The following RYR3 variants were observed in gnomAD, a reference collection of about 807,000 sequenced individuals.
RYR3 encodes the protein brain ryanodine receptor-calcium release channel.
RYR3 carries 207 observed loss-of-function variants against 584.3 expected under a neutral mutation model. That is an observed-to-expected ratio of 0.35 (90% CI 0.32 to 0.40). The LOEUF (loss-of-function observed/expected upper bound fraction) is 0.40, where lower values mean the gene tolerates loss of function less well. Among genes scored for constraint, RYR3 ranks in the 10% least tolerant of loss-of-function variants. RYR3 has a pLI of 1.00. For missense variants in RYR3, 5,616 were observed against 6,089.2 expected (o/e 0.92, Z 2.59); for synonymous variants, 2,416 against 2,248.5 (o/e 1.07, Z -2.11).
rs770851129 is a variant in RYR3 at position 33,530,640 on chromosome 15, C to G, written c.328C>G (p.Leu110Val). ...HRTLLYGHAV[L>V]LRHSFSGMYL... ...GACCCTGTTATACGGCCATGCAGTT[C>G]TCCTGAGGCACTCTTTCAGCGGAAT... is the stretch of plus-strand genomic sequence containing the variant. Residue 110 changes from leucine (L) to valine (V), a missense_variant, in exon 4 of 104, where the codon CTC (leucine) becomes GTC (valine). By Grantham distance (32) the Leu-to-Val change is conservative. This residue lies in a region of RYR3 where 1,284 missense variants were observed against 1,344.6 expected (regional missense o/e 0.95). Transcript: ENST00000634891. 1.9e-6 allele frequency: 3 copies of G among 1,613,608 alleles called. No individual in the cohort carries two copies. The highest frequency in any genetic ancestry group is 1.7e-6 in the Non-Finnish European group (2 of 1,179,654).
In RYR3 at chr15:33,853,650, G is replaced by C; in HGVS notation, c.13767G>C (p.Glu4589Asp). Reference protein sequence around the residue: ...KNALDFSPVEETKAEAASLVS... With the variant: ...KNALDFSPVEDTKAEAASLVS... Reference sequence around the variant, plus strand: ...CTCTTGACTTTAGCCCAGTAGAAGAGACCAAAGCAGAAGCGGCTTCTCTGG... The same window carrying C: ...CTCTTGACTTTAGCCCAGTAGAAGACACCAAAGCAGAAGCGGCTTCTCTGG... Residue 4589 changes from glutamate to aspartate, a missense_variant, in exon 96 of 104, where the codon GAG becomes GAC. By Grantham distance (45) the Glu-to-Asp change is conservative. This residue lies in a region of RYR3 where 918 missense variants were observed against 887.4 expected (regional missense o/e 1.03). Coordinates refer to ENST00000634891, the MANE Select transcript of RYR3 (RefSeq NM_001036.6). 1 of 1,613,928 alleles carries C rather than the reference G, an allele frequency of 6.2e-7. No homozygotes were observed. Among genetic ancestry groups the C allele is most frequent in the Non-Finnish European group, 8.5e-7 (1 of 1,179,852 alleles).
At chr15:33,507,204 T>C (rs543089202) in intron 3 of RYR3, among the ~76,000 whole-genome samples, 1 of 152,360 alleles carries the variant, frequency 6.6e-6, no homozygotes, top group East Asian at 1.9e-4. Flanking sequence ...GAAGTCTTTC[T>C]GCAAAGATTA....
At position 33,341,038 on chromosome 15, in the gene RYR3, C is replaced by CTTTGT. The variant is rs776520286; in HGVS notation, c.51+29957_51+29961dup. ...TCCCCAGAGTTTCTGATTCAGTGGACTTTGTTTTGTTTTGTTTTGAGACAG... is the reference window on the plus strand; with the variant it reads ...TCCCCAGAGTTTCTGATTCAGTGGACTTTGTTTTGTTTTGTTTTGTTTTGAGACAG... On this transcript the variant is annotated intron_variant, in intron 1 of 103. Coordinates refer to ENST00000634891, the MANE Select transcript of RYR3 (RefSeq NM_001036.6). Among the ~76,000 whole-genome samples the CTTTGT allele has an allele frequency of 2.2e-4, 33 of 152,136 alleles. No individual in the cohort carries two copies. In the East Asian group the frequency reaches 3.3e-3, roughly 15 times the overall value.
chr15:33,429,884 A>G (rs2044975486), intron 1 of RYR3, among the ~76,000 whole-genome samples: 1 of 152,212 alleles, frequency 6.6e-6, no homozygotes, highest in Non-Finnish European at 1.5e-5. Flanking sequence ...GTTTATTATT[A>G]GTGTTTCTTT....
At chr15:33,497,848 A>G (rs2051577209) in intron 2 of RYR3, among the ~76,000 whole-genome samples, 1 of 152,126 alleles carries the variant, frequency 6.6e-6, no homozygotes, top group African/African-American at 2.4e-5. Context: ...TTTTACATCC[A>G]TTAACCAGCC....
intron 1 of RYR3, among the ~76,000 whole-genome samples, chr15:33,336,684 C>A (rs1159008697): frequency 6.6e-6 from 1 of 151,520 alleles, no homozygotes; most frequent in Admixed American, 6.6e-5. Context: ...GAGCTCCATG[C>A]AAAGGAGAAA....
intron 72 of RYR3, among the ~76,000 whole-genome samples, chr15:33,811,396 T>A (rs1419036255): frequency 6.6e-6 from 1 of 151,834 alleles, no homozygotes; most frequent in Non-Finnish European, 1.5e-5. Flanking sequence ...TCTCAGCTAC[T>A]TGGGAGGCTG....
At chr15:33,864,563 G>C (rs1889784259) in intron 103 of RYR3, among the ~76,000 whole-genome samples, 2 of 151,190 alleles carry the variant, frequency 1.3e-5, no homozygotes, top group Admixed American at 1.3e-4. Flanking sequence ...ACGACCTCAT[G>C]TGTGGGTGAC....
Position 33,663,731 on chromosome 15 carries a change from G to A in RYR3, c.5613G>A (p.Gln1871=). 6.2e-7 allele frequency: 1 copy of A among 1,604,406 alleles called. No individual in the cohort carries two copies. The part of the protein sequence containing the change: ...RKTKEFRSPP[Q]EQINMLLNFQ... ...CCAAGGAGTTCCGCTCACCCCCACA[G>A]GAGCAGGTGAGGGTCCTTCCTGAGC... The change falls in exon 36 of 104, where the codon CAG becomes CAA. Residue 1871 remains glutamine, a synonymous_variant. Transcript: ENST00000634891.
chr15:33,837,985 C>T lies in RYR3; in HGVS notation c.12005C>T (p.Ser4002Phe), dbSNP rs752082118. 6.2e-7 allele frequency: 1 copy of T among 1,614,012 alleles called. No individual in the cohort carries two copies. Among genetic ancestry groups the T allele is most frequent in the South Asian group, 1.1e-5 (1 of 91,078 alleles). ...FNVAVLLTNL[S>F]EHMPNDSRLK... ...GTGGCTGTGTTATTGACAAATCTTTCTGAACACATGCCAAACGATTCCCGC... is the reference window on the plus strand; with the variant it reads ...GTGGCTGTGTTATTGACAAATCTTTTTGAACACATGCCAAACGATTCCCGC... Residue 4002 changes from serine (S) to phenylalanine (F), a missense_variant, in exon 89 of 104, where the codon TCT becomes TTT. This residue lies in a region of RYR3 where 258 missense variants were observed against 297.3 expected (regional missense o/e 0.87). Coordinates refer to ENST00000634891, the MANE Select transcript of RYR3 (RefSeq NM_001036.6).
intron 1 of RYR3, among the ~76,000 whole-genome samples, chr15:33,347,279 G>A (rs997406524): frequency 5.9e-5 from 9 of 152,146 alleles, no homozygotes; most frequent in African/African-American, 2.2e-4. Flanking sequence ...TGATTTGGAA[G>A]TCTTCTGCAT....
At chr15:33,641,132 G>A (rs183985305) in intron 27 of RYR3, among the ~76,000 whole-genome samples, 16 of 152,298 alleles carry the variant, frequency 1.1e-4, no homozygotes, top group Admixed American at 5.9e-4. Context: ...TCCCTGACAC[G>A]TTGGAAAATC....
In RYR3 at chr15:33,390,664, T is replaced by G. The variant is rs2041937804; in HGVS notation, c.51+79568T>G. 1.3e-5 allele frequency among the ~76,000 whole-genome samples: 2 copies of G among 152,160 alleles called. No individual in the cohort carries two copies. The highest frequency in any genetic ancestry group is 4.1e-4 in the South Asian group (2 of 4,826). On this transcript the variant is annotated intron_variant, in intron 1 of 103. Transcript: ENST00000634891. This position sits in a 1 kb window ranked among gnomAD's most constrained non-coding sequence, Gnocchi z 4.2. ...GGAACTTGGTACTTGTCCCATTCTCTAAGAAATCAGAGTGGTTCACTCTGC... is the reference window on the plus strand; with the variant it reads ...GGAACTTGGTACTTGTCCCATTCTCGAAGAAATCAGAGTGGTTCACTCTGC...
At chr15:33,539,537 G>A in intron 6 of RYR3, 75 bp downstream of exon 6, 1 of 845,938 alleles carries the variant, frequency 1.2e-6, no homozygotes. Flanking sequence ...ATGAAGAACT[G>A]AGCCACAGCA....
In RYR3 at chr15:33,820,787, A is replaced by G. The variant is rs780754834; in HGVS notation, c.10790A>G (p.Asp3597Gly). 11 of 1,604,516 alleles carry G rather than the reference A, an allele frequency of 6.9e-6. No homozygotes were observed. The highest frequency in any genetic ancestry group is 5.3e-5 in the African/African-American group (4 of 74,782). ...CAAAGTGGTGAGGATGAAGAAGAAG[A>G]TGAAGACAAGGAAAAAACATTCGAA... ...SCQSGEDEEEDEDKEKTFEEK... is the reference protein window; with the variant it reads ...SCQSGEDEEEGEDKEKTFEEK... Residue 3597 changes from aspartate (D) to glycine (G), a missense_variant, in exon 78 of 104, where the codon GAT becomes GGT. Around this residue, in one of 9 missense-constraint regions of RYR3, gnomAD observed 954 missense variants for 1,132.2 expected, o/e 0.84. Transcript: ENST00000634891.
intron 1 of RYR3, among the ~76,000 whole-genome samples, chr15:33,394,452 G>T (rs1056531207): frequency 2.6e-5 from 4 of 152,202 alleles, no homozygotes; most frequent in Admixed American, 6.5e-5. Flanking sequence ...TTTCCATGTG[G>T]TTTAGATTGG....
At position 33,667,926 on chromosome 15, in the gene RYR3, G is replaced by A. The variant is rs573037251; in HGVS notation, c.5620-1428G>A. 3.9e-5 allele frequency among the ~76,000 whole-genome samples: 6 copies of A among 152,020 alleles called. No homozygotes were observed. In the South Asian group the frequency reaches 8.3e-4, roughly 21 times the overall value. On this transcript the variant is annotated intron_variant, in intron 36 of 103. Transcript: ENST00000634891. ...AAAATACAAGAAATTAGCTGAGTGC[G>A]GTGGTGCGCACCTGTAATCCCAGCT...
intron 2 of RYR3, among the ~76,000 whole-genome samples, chr15:33,480,886 C>T (rs1025906256): frequency 1.3e-5 from 2 of 152,096 alleles, no homozygotes; most frequent in Non-Finnish European, 2.9e-5. Context: ...TCTTCTATGT[C>T]CTTACTGAAA....
At chr15:33,818,979 C>T (rs924011264) in intron 76 of RYR3, among the ~76,000 whole-genome samples, 20 of 152,200 alleles carry the variant, frequency 1.3e-4, no homozygotes, top group African/African-American at 4.8e-4. Context: ...CAAAATTAGC[C>T]GGGCATGGTG....
Sources: allele counts gnomAD v4.1 joint callset (sites outside exome capture counted in the v4.1 genomes callset), GRCh38; gene constraint gnomAD v4.1.1; regional missense constraint gnomAD v4.1.1; non-coding constraint Gnocchi (gnomAD v3.1); transcripts MANE v1.5; gene names NCBI Gene and HGNC (gene_info 2026-07-23, HGNC 2026-07-21).